Variants in VPS53 observed in about 807,000 individuals in gnomAD.
VPS53 encodes the protein VPS53 subunit of GARP complex.
VPS53 carries 70 observed loss-of-function variants against 107.0 expected under a neutral mutation model. The ratio of observed to expected loss-of-function variants is 0.65; its 90% CI spans 0.54 to 0.80. VPS53 has a LOEUF of 0.80. VPS53 is among the 30% of genes least tolerant of loss of function. The pLI, the probability that VPS53 is intolerant of heterozygous loss-of-function variation, is 0.00. For missense variants in VPS53, 917 were observed against 1,049.4 expected, an observed-to-expected ratio of 0.87 and a Z score of 1.74; for synonymous variants, 409 against 393.3, an observed-to-expected ratio of 1.04 and a Z score of -0.47.
At chr17:662,976 C>T (rs1971535379) in intron 4 of VPS53, among the ~76,000 whole-genome samples, 2 of 151,720 alleles carry the variant, frequency 1.3e-5, no homozygotes, top group African/African-American at 4.8e-5. Flanking sequence ...GAGGCTGAGG[C>T]AGGAGGATTG....
intron 11 of VPS53, among the ~76,000 whole-genome samples, chr17:606,832 A>T (rs1468652484): frequency 6.6e-6 from 1 of 152,062 alleles, no homozygotes; most frequent in Non-Finnish European, 1.5e-5. Context: ...GAACAGTTTC[A>T]TCTCGAAACC....
At chr17:633,447 C>G (rs1271680728) in intron 7 of VPS53, among the ~76,000 whole-genome samples, 1 of 152,176 alleles carries the variant, frequency 6.6e-6, no homozygotes, top group African/African-American at 2.4e-5. Flanking sequence ...TATGAAGTTT[C>G]TAGAAATAGC....
At chr17:529,398 TCA>T (rs3084065) in intron 19 of VPS53, among the ~76,000 whole-genome samples, 26,879 of 150,098 alleles carry the variant, frequency 0.18, 4,513 homozygotes, top group African/African-American at 0.43. Context: ...ACACACACAC[TCA>T]CACACACACA....
chr17:571,343 G>A (rs961252614), intron 13 of VPS53, among the ~76,000 whole-genome samples: 8 of 152,202 alleles, frequency 5.3e-5, no homozygotes, highest in Admixed American at 3.3e-4. Context: ...CAGTGTCTGT[G>A]CATTACGTGT....
chr17:657,558 G>C (rs1203469885), intron 5 of VPS53: 6 of 1,065,214 alleles, frequency 5.6e-6, no homozygotes, highest in Non-Finnish European at 8.7e-6. Context: ...GGCTGCATTA[G>C]GCAAGGAAAA....
intron 13 of VPS53, among the ~76,000 whole-genome samples, chr17:564,680 G>A (rs1415265187): frequency 6.6e-6 from 1 of 152,004 alleles, no homozygotes; most frequent in Non-Finnish European, 1.5e-5. Flanking sequence ...TCACACCACT[G>A]CATTCCAGCC....
intron 4 of VPS53, among the ~76,000 whole-genome samples, chr17:670,760 A>C (rs1019605753): frequency 2.4e-4 from 36 of 152,168 alleles, no homozygotes; most frequent in African/African-American, 7.5e-4. Flanking sequence ...TGCAGGAAGG[A>C]GGAAAGGTTG....
At chr17:644,049 T>TAAGA (rs1970580198) in intron 7 of VPS53, among the ~76,000 whole-genome samples, 2 of 152,246 alleles carry the variant, frequency 1.3e-5, no homozygotes, top group Admixed American at 6.5e-5. Flanking sequence ...TGTAAGGCTC[T>TAAGA]TCCATTCTTC....
rs191539680 is a variant in VPS53, at chr17:610,099, C to T, written c.1117-8203G>A. On this transcript the variant is annotated intron_variant, in intron 11 of 21. Transcript: ENST00000437048. ...TGAGCCGAGATCGCGCCACTGCACTCGAGCCTGGGCGACAGAGTGAGACTC... is the reference window on the plus strand; with the variant it reads ...TGAGCCGAGATCGCGCCACTGCACTTGAGCCTGGGCGACAGAGTGAGACTC... 4.0e-3 allele frequency among the ~76,000 whole-genome samples: 598 copies of T among 151,112 alleles called. 4 individuals are homozygous for T. Among genetic ancestry groups the T allele is most frequent in the African/African-American group, 0.013 (531 of 41,090 alleles).
At chr17:643,261 T>C (rs77175570) in intron 7 of VPS53, among the ~76,000 whole-genome samples, 279 of 3,096 alleles carry the variant, frequency 0.09, 88 homozygotes, top group African/African-American at 0.19. Flanking sequence ...ACTTGGAAAG[T>C]GAGGACAACA....
chr17:713,922 G>A (rs1197767977), intron 1 of VPS53, among the ~76,000 whole-genome samples: 3 of 150,914 alleles, frequency 2.0e-5, no homozygotes, highest in Non-Finnish European at 2.9e-5. Flanking sequence ...GCGTGCGCCT[G>A]TAATCACAGC....
At chr17:536,888 CTG>C (rs1233867169) in intron 18 of VPS53, 138 bp downstream of exon 18, 2 of 1,048,836 alleles carry the variant, frequency 1.9e-6, no homozygotes, top group African/African-American at 1.6e-5. Flanking sequence ...AATGGGAAGA[CTG>C]TGCATGTTGG....
intron 7 of VPS53, among the ~76,000 whole-genome samples, chr17:650,612 G>T (rs1970905490): frequency 6.6e-6 from 1 of 152,218 alleles, no homozygotes; most frequent in Non-Finnish European, 1.5e-5. Context: ...AATATCAAGT[G>T]TTGCTGAGGG....
At chr17:643,230 GAAACCGAGGA>G (rs1970520646) in intron 7 of VPS53, among the ~76,000 whole-genome samples, 4 of 50,418 alleles carry the variant, frequency 7.9e-5, no homozygotes, top group East Asian at 7.4e-4. Flanking sequence ...CTCATACTTG[GAAACCGAGGA>G]CAACACTCAT....
intron 4 of VPS53, among the ~76,000 whole-genome samples, chr17:664,379 G>A (rs1971593342): frequency 6.6e-6 from 1 of 151,940 alleles, no homozygotes; most frequent in African/African-American, 2.4e-5. Context: ...CGCCCAGCCT[G>A]GAGTAAGAGG....
intron 19 of VPS53, among the ~76,000 whole-genome samples, chr17:526,830 G>C (rs1201457065): frequency 6.6e-6 from 1 of 152,160 alleles, no homozygotes; most frequent in Non-Finnish European, 1.5e-5. Flanking sequence ...TACAATTCTT[G>C]GGGACATGAT....
intron 13 of VPS53, among the ~76,000 whole-genome samples, chr17:569,844 C>T (rs1913871736): frequency 6.6e-6 from 1 of 151,338 alleles, no homozygotes; most frequent in African/African-American, 2.4e-5. Flanking sequence ...TCACTTGAAC[C>T]CAGGAGCCGA....
intron 7 of VPS53, among the ~76,000 whole-genome samples, chr17:642,211 G>C (rs1029737872): frequency 2.6e-5 from 4 of 152,198 alleles, no homozygotes; most frequent in Non-Finnish European, 5.9e-5. Context: ...GTTCCAAACA[G>C]ACACCATAAA....
chr17:520,019 C>G lies in VPS53; in HGVS notation c.2224-89G>C. 1.1e-6 allele frequency: 1 copy of G among 890,346 alleles called. No individual in the cohort carries two copies. Among genetic ancestry groups the G allele is most frequent in the South Asian group, 1.5e-5 (1 of 67,508 alleles). The allele number at this position is 890,346 out of a possible 1,614,324, so 55.2% of individuals were successfully genotyped here. A position where few individuals can be genotyped will look rare whatever the true frequency, so the allele number is the denominator to read the frequency against. On this transcript the variant is annotated intron_variant, in intron 20 of 21. Transcript: ENST00000437048. The surrounding 1 kb of genome is among the most constrained non-coding windows in gnomAD (Gnocchi z 4.4). Reference sequence around the variant, plus strand: ...GCGGGCCCTCAAGAAAACTCACTACCCACCGCAGGAGGAGACGGGAGCGGG... The same window carrying G: ...GCGGGCCCTCAAGAAAACTCACTACGCACCGCAGGAGGAGACGGGAGCGGG...
Sources: allele counts gnomAD v4.1 joint callset (sites outside exome capture counted in the v4.1 genomes callset), GRCh38; gene constraint gnomAD v4.1.1; non-coding constraint Gnocchi (gnomAD v3.1); transcripts MANE v1.5; gene names NCBI Gene and HGNC (gene_info 2026-07-23, HGNC 2026-07-21).